The following PHIP variants were observed in gnomAD, a reference collection of about 807,000 sequenced individuals.
PHIP encodes the protein PH-interacting protein.
In PHIP, 54 loss-of-function variants were observed where a neutral mutation model predicts 236.8. The ratio of observed to expected loss-of-function variants is 0.23; its 90% CI spans 0.18 to 0.29. PHIP has a LOEUF of 0.29. Among genes scored for constraint, PHIP ranks in the 10% least tolerant of loss-of-function variants. The probability of loss-of-function intolerance (pLI) is 1.00; values close to 1 mark genes in which losing one functional copy is unlikely to be tolerated. For missense variants in PHIP, 1,370 were observed against 2,190.8 expected (o/e 0.63, Z 7.48); for synonymous variants, 756 against 718.9 (o/e 1.05, Z -0.83).
chr6:79,073,132 C>A (rs1773972513), intron 4 of PHIP, among the ~76,000 whole-genome samples: 1 of 152,110 alleles, frequency 6.6e-6, no homozygotes, highest in African/African-American at 2.4e-5. Context: ...TGCCGCTTTA[C>A]AACTATTTAA....
At chr6:78,955,585 A>G in intron 33 of PHIP, 28 bp downstream of exon 33, 1 of 734,648 alleles carries the variant, frequency 1.4e-6, no homozygotes, top group Non-Finnish European at 2.4e-6. Context: ...GAATATCAAT[A>G]TGGTAATAAT....
At position 79,034,195 on chromosome 6, in the gene PHIP, T is replaced by A. The variant is rs1408693837; in HGVS notation, c.601-8031A>T. Among the ~76,000 whole-genome samples, 14 of 152,074 alleles carry A rather than the reference T, an allele frequency of 9.2e-5. No individual in the cohort carries two copies. In the East Asian group the frequency reaches 2.7e-3, roughly 29 times the overall value. On this transcript the variant is annotated intron_variant, in intron 7 of 39. Coordinates refer to ENST00000275034, the MANE Select transcript of PHIP (RefSeq NM_017934.7). ...GCTGACAGACTTGCTTTACTCAGGG[T>A]TTTCACAAATATACAATTTGTAAAA...
At chr6:79,000,723 ATCTGAG>A (rs1403516777) in intron 17 of PHIP, among the ~76,000 whole-genome samples, 2 of 151,958 alleles carry the variant, frequency 1.3e-5, no homozygotes, top group African/African-American at 2.4e-5. Context: ...AACTTATCTA[ATCTGAG>A]TCTGAGTATC....
At chr6:79,015,024 C>G in intron 15 of PHIP, 58 bp downstream of exon 15, 1 of 1,444,816 alleles carries the variant, frequency 6.9e-7, no homozygotes, top group Non-Finnish European at 9.6e-7. Context: ...TGCAGAGTAC[C>G]TTTGTCAAAA....
Position 78,935,797 on chromosome 6 carries a change from T to C in PHIP, c.*4896A>G, listed in dbSNP as rs1773252792. ...TTTGGTAAGCAGCTTGTTGAGATTA[T>C]GTACTAAGTGCTTTATGTGATGCCA... is the stretch of plus-strand genomic sequence containing the variant. On this transcript the variant is annotated 3_prime_UTR_variant, in exon 40 of 40. Coordinates refer to ENST00000275034, the MANE Select transcript of PHIP (RefSeq NM_017934.7). The C allele has an allele frequency of 1.0e-6, 1 of 961,070 alleles. No individual in the cohort carries two copies. The highest frequency in any genetic ancestry group is 6.2e-5 in the Admixed American group (1 of 16,226). 59.5% of individuals were successfully genotyped at this position (961,070 alleles called of 1,614,324 possible).
At chr6:78,944,925 G>A (rs925110447) in intron 39 of PHIP, among the ~76,000 whole-genome samples, 1 of 152,084 alleles carries the variant, frequency 6.6e-6, no homozygotes, top group Non-Finnish European at 1.5e-5. Flanking sequence ...TTCTACAGTT[G>A]TAGACAACCC....
intron 6 of PHIP, among the ~76,000 whole-genome samples, chr6:79,050,133 A>G (rs1381664210): frequency 6.6e-6 from 1 of 152,128 alleles, no homozygotes. Context: ...ATTAAAAAAA[A>G]AAAGTCTTAT....
At chr6:78,985,258 T>TA (rs1768790942) in intron 22 of PHIP, 94 bp downstream of exon 22, 2 of 731,556 alleles carry the variant, frequency 2.7e-6, no homozygotes, top group African/African-American at 3.6e-5. Context: ...ACTTTGAACT[T>TA]ACAGAGACTT....
chr6:79,017,571 A>T lies in PHIP; in HGVS notation c.1007T>A (p.Leu336Gln). 1 of 1,611,006 alleles carries T rather than the reference A, an allele frequency of 6.2e-7. No individual in the cohort carries two copies. The highest frequency in any genetic ancestry group is 8.5e-7 in the Non-Finnish European group (1 of 1,177,612). ...AATATGATCTGTGCTTCCCGTCGCC[A>T]GAAACATTCCACCTATGAAGAATAA... The part of the protein sequence containing the change: ...CSSFSAGGMF[L>Q]ATGSTDHIIR... The change falls in exon 11 of 40, where the codon CTG becomes CAG. Residue 336 changes from leucine (L) to glutamine (Q), a missense_variant. By Grantham distance (113) the Leu-to-Gln change is moderately radical (BLOSUM62 -2). Coordinates refer to ENST00000275034, the MANE Select transcript of PHIP (RefSeq NM_017934.7).
At chr6:79,019,358 C>T (rs1367939217) in intron 9 of PHIP, among the ~76,000 whole-genome samples, 199 bp from the exon 10 acceptor site, 1 of 151,972 alleles carries the variant, frequency 6.6e-6, no homozygotes, top group Admixed American at 6.6e-5. Flanking sequence ...TTTGTAGGAG[C>T]TCCTTATTAC....
intron 20 of PHIP, 68 bp from the exon 21 acceptor site, chr6:78,988,417 A>T (rs770583493): frequency 3.3e-6 from 4 of 1,216,006 alleles, no homozygotes; most frequent in Non-Finnish European, 3.3e-6. Flanking sequence ...TTAAAAGTTA[A>T]AATTTTTTAA....
At chr6:79,035,015 T>C (rs1052200841) in intron 7 of PHIP, among the ~76,000 whole-genome samples, 2 of 152,156 alleles carry the variant, frequency 1.3e-5, no homozygotes, top group Admixed American at 1.3e-4. Context: ...AACTGGAGTC[T>C]GCACAGAACA....
intron 7 of PHIP, among the ~76,000 whole-genome samples, chr6:79,039,871 C>A (rs1772124289): frequency 1.3e-5 from 2 of 152,056 alleles, no homozygotes; most frequent in Non-Finnish European, 2.9e-5. Flanking sequence ...TCTGACTTGG[C>A]AATTATGCTA....
At chr6:78,950,383 G>C (rs1159776773) in intron 35 of PHIP, among the ~76,000 whole-genome samples, 2 of 152,154 alleles carry the variant, frequency 1.3e-5, no homozygotes, top group East Asian at 1.9e-4. Flanking sequence ...TGGGAATTTT[G>C]AGTTTTTCTA....
intron 9 of PHIP, among the ~76,000 whole-genome samples, chr6:79,020,361 C>T (rs1435201660): frequency 1.3e-5 from 2 of 152,132 alleles, no homozygotes; most frequent in Non-Finnish European, 2.9e-5. Flanking sequence ...TTAATATTCA[C>T]AGGCTCTAAT....
At position 79,042,959 on chromosome 6, in the gene PHIP, C is replaced by T; in HGVS notation, c.484G>A (p.Glu162Lys). 6.2e-7 allele frequency: 1 copy of T among 1,612,124 alleles called. No individual in the cohort carries two copies. Among genetic ancestry groups the T allele is most frequent in the Non-Finnish European group, 8.5e-7 (1 of 1,178,884 alleles). The change falls in exon 7 of 40, where the codon GAG (glutamate) becomes AAG (lysine). Residue 162 changes from glutamate to lysine, a missense_variant. Coordinates refer to ENST00000275034, the MANE Select transcript of PHIP (RefSeq NM_017934.7). ...SRKLNGKYRL[E>K]RLVPTAVYQH... ...TACACTGCAGTTGGAACAAGTCGCT[C>T]AAGTCTGTATTTCCCATTCAGCTTC...
intron 6 of PHIP, among the ~76,000 whole-genome samples, chr6:79,057,563 T>C (rs1773133895): frequency 6.6e-6 from 1 of 152,078 alleles, no homozygotes. Context: ...ATTTTAATAT[T>C]TGGGATCTAT....
At chr6:78,975,753 A>G (rs1768007071) in intron 24 of PHIP, among the ~76,000 whole-genome samples, 2 of 152,040 alleles carry the variant, frequency 1.3e-5, no homozygotes, top group South Asian at 4.1e-4. Flanking sequence ...GAGCCAAATC[A>G]TGAGTGAACT....
chr6:78,988,145 G>T, intron 21 of PHIP, 64 bp downstream of exon 21: 2 of 1,199,288 alleles, frequency 1.7e-6, no homozygotes, highest in Non-Finnish European at 2.3e-6. Flanking sequence ...TGCGAAGAAT[G>T]AAACTCATAT....
Sources: gnomAD v4.1 joint callset for allele counts (sites outside exome capture counted in the v4.1 genomes callset) on GRCh38, gnomAD v4.1.1 for gene constraint, MANE v1.5 for transcripts, NCBI Gene and HGNC (gene_info 2026-07-23, HGNC 2026-07-21) for gene names.